Variants in RPTOR observed in about 807,000 individuals in gnomAD.
RPTOR encodes regulatory associated protein of MTOR complex 1.
RPTOR carries 21 observed loss-of-function variants against 169.9 expected under a neutral mutation model. The ratio of observed to expected loss-of-function variants is 0.12; its 90% CI spans 0.09 to 0.18. RPTOR has a LOEUF of 0.18. Ranked by LOEUF, RPTOR falls within the 10% of genes least tolerant of loss-of-function variation. The probability of loss-of-function intolerance (pLI) is 1.00; values close to 1 mark genes in which losing one functional copy is unlikely to be tolerated. For missense variants in RPTOR, 1,133 were observed against 1,855.9 expected (o/e 0.61, Z 7.16); for synonymous variants, 732 against 753.2 (o/e 0.97, Z 0.46).
chr17:80,644,108 TTTTAA>T (rs1410441504), intron 3 of RPTOR, among the ~76,000 whole-genome samples: 1 of 152,248 alleles, frequency 6.6e-6, no homozygotes, highest in Non-Finnish European at 1.5e-5. Context: ...TTAACCATGG[TTTTAA>T]TTTTTCTCAG....
intron 20 of RPTOR, among the ~76,000 whole-genome samples, chr17:80,903,828 G>A (rs145093617): frequency 1.8e-3 from 267 of 152,286 alleles, no homozygotes; most frequent in African/African-American, 6.0e-3. Flanking sequence ...CCTGGTGCTC[G>A]CTCAACCAAA....
chr17:80,627,401 A>G (rs2065404544), intron 2 of RPTOR, among the ~76,000 whole-genome samples: 2 of 152,252 alleles, frequency 1.3e-5, no homozygotes, highest in South Asian at 2.1e-4. Context: ...ACAGCCATGT[A>G]ACAAATGCCA....
chr17:80,580,082 G>C (rs1036860824), intron 1 of RPTOR, among the ~76,000 whole-genome samples: 2 of 152,158 alleles, frequency 1.3e-5, no homozygotes, highest in African/African-American at 4.8e-5. Flanking sequence ...CATGTTTCCT[G>C]ATCTCATCTC....
At position 80,857,917 on chromosome 17, in the gene RPTOR, T is replaced by C. The variant is rs1302751145; in HGVS notation, c.1509+17T>C. The C allele has an allele frequency of 3.1e-6, 5 of 1,592,038 alleles. No homozygotes were observed. Among genetic ancestry groups the C allele is most frequent in the Non-Finnish European group, 4.3e-6 (5 of 1,161,344 alleles). On this transcript the variant is annotated intron_variant, in intron 13 of 33. Coordinates refer to ENST00000306801, the MANE Select transcript of RPTOR (RefSeq NM_020761.3). ...GTGGACAGCGTGAGTATCCCCGCCC[T>C]CCTCCCCAGAGTGATGTGAACCTGC...
rs1252151539 is a variant in RPTOR, at chr17:80,754,183, C to G, written c.828C>G (p.Arg276=). ...CCACCCCCATCAAGATCGCCCTGCG[C>G]TGGTGAGTGGCCCCTGCTGTGCCCC... The part of the protein sequence containing the change: ...CLTTPIKIAL[R]WFCMQKCVSL... The change falls in exon 6 of 34, where the codon CGC becomes CGG. Residue 276 remains arginine (R), a splice_region_variant and synonymous_variant. Coordinates refer to ENST00000306801, the MANE Select transcript of RPTOR (RefSeq NM_020761.3). This position sits in a 1 kb window ranked among gnomAD's most constrained non-coding sequence, Gnocchi z 4.2. 1.9e-6 allele frequency: 3 copies of G among 1,596,888 alleles called. No individual in the cohort carries two copies. Among genetic ancestry groups the G allele is most frequent in the Non-Finnish European group, 2.6e-6 (3 of 1,169,028 alleles).
At chr17:80,851,172 T>TC (rs1228927417) in intron 11 of RPTOR, among the ~76,000 whole-genome samples, 1 of 152,160 alleles carries the variant, frequency 6.6e-6, no homozygotes, top group Non-Finnish European at 1.5e-5. Flanking sequence ...CAAGCGATCC[T>TC]CCAGCTTCAG....
At position 80,939,807 on chromosome 17, in the gene RPTOR, G is replaced by T. The variant is rs140927011; in HGVS notation, c.2920-689G>T. On this transcript the variant is annotated intron_variant, in intron 24 of 33. Transcript: ENST00000306801. ...TGATTGTGTTTTCAGTGTTTGAAGC[G>T]GCATTCGGTGCCCCCCTGCCCTGCT... Among the ~76,000 whole-genome samples, 785 of 152,266 alleles carry T rather than the reference G, an allele frequency of 5.2e-3. 3 individuals are homozygous for T. Among genetic ancestry groups the T allele is most frequent in the Non-Finnish European group, 7.5e-3 (513 of 68,020 alleles).
chr17:80,621,471 C>G (rs1018728268), intron 1 of RPTOR, among the ~76,000 whole-genome samples: 3 of 152,208 alleles, frequency 2.0e-5, no homozygotes, highest in East Asian at 1.9e-4. Flanking sequence ...CGCCCTGTGT[C>G]GGCCTCTGCC....
intron 10 of RPTOR, among the ~76,000 whole-genome samples, chr17:80,841,670 C>G (rs1297896269): frequency 1.5e-5 from 2 of 133,802 alleles, no homozygotes; most frequent in Non-Finnish European, 3.2e-5. Context: ...CACCGCGCCG[C>G]AGCTCACACT....
intron 7 of RPTOR, among the ~76,000 whole-genome samples, chr17:80,807,567 G>A (rs1270085977): frequency 1.3e-5 from 2 of 152,154 alleles, no homozygotes; most frequent in African/African-American, 2.4e-5. Flanking sequence ...GGCCAGGCTG[G>A]TCTTGAACTC....
intron 3 of RPTOR, among the ~76,000 whole-genome samples, chr17:80,680,202 T>C (rs1055865848): frequency 1.3e-5 from 2 of 152,226 alleles, no homozygotes; most frequent in Admixed American, 1.3e-4. Flanking sequence ...CACCTCAGAC[T>C]CCCTGTTCAT....
chr17:80,616,513 G>A (rs2065311551), intron 1 of RPTOR, among the ~76,000 whole-genome samples: 1 of 152,122 alleles, frequency 6.6e-6, no homozygotes, highest in African/African-American at 2.4e-5. Context: ...TCGCCAGGCT[G>A]GTCTCGAACT....
At chr17:80,603,082 G>A (rs879593473) in intron 1 of RPTOR, among the ~76,000 whole-genome samples, 1 of 152,136 alleles carries the variant, frequency 6.6e-6, no homozygotes, top group African/African-American at 2.4e-5. Flanking sequence ...TATTCATGGT[G>A]GCTGGATTTG....
At chr17:80,899,706 G>T (rs988135788) in intron 20 of RPTOR, among the ~76,000 whole-genome samples, 1 of 152,266 alleles carries the variant, frequency 6.6e-6, no homozygotes, top group East Asian at 1.9e-4. Context: ...ACCGCGTGTA[G>T]GTGAATGAAC....
intron 3 of RPTOR, among the ~76,000 whole-genome samples, chr17:80,687,862 C>T (rs1344608962): frequency 1.3e-5 from 2 of 152,236 alleles, no homozygotes; most frequent in Admixed American, 6.5e-5. Flanking sequence ...ATGGGATGCC[C>T]GCACTGCCTT....
intron 1 of RPTOR, among the ~76,000 whole-genome samples, chr17:80,589,760 C>A (rs146056299): frequency 6.6e-6 from 1 of 151,896 alleles, no homozygotes; most frequent in African/African-American, 2.4e-5. Flanking sequence ...TTTTTTCAAT[C>A]GACTGATTTG....
At chr17:80,765,625 T>C (rs1048182229) in intron 6 of RPTOR, among the ~76,000 whole-genome samples, 8 of 152,158 alleles carry the variant, frequency 5.3e-5, no homozygotes, top group African/African-American at 1.7e-4. Context: ...CAAAGCTGGG[T>C]GCCCAGGCTC....
chr17:80,874,518 T>A (rs944309147), intron 13 of RPTOR, among the ~76,000 whole-genome samples: 11 of 152,290 alleles, frequency 7.2e-5, no homozygotes, highest in African/African-American at 2.6e-4. Flanking sequence ...ATATATATAT[T>A]TATGTTGAAA....
Position 80,801,508 on chromosome 17 carries a change from G to A in RPTOR, c.890+9999G>A, listed in dbSNP as rs1408902804. 6 of 152,144 alleles carry A rather than the reference G, an allele frequency of 3.9e-5. No individual in the cohort carries two copies. In the East Asian group the frequency reaches 9.7e-4, roughly 25 times the overall value. The allele number at this position is 152,144 out of a possible 1,614,324, so 9.4% of individuals were successfully genotyped here. On this transcript the variant is annotated intron_variant, in intron 7 of 33. Transcript: ENST00000306801. ...TCAACAGGAGCCCAGACCTCTAGAAGGTCTGCACAGGGTTTGGGGGGGCAG... is the reference window on the plus strand; with the variant it reads ...TCAACAGGAGCCCAGACCTCTAGAAAGTCTGCACAGGGTTTGGGGGGGCAG...
Sources: gnomAD v4.1 joint callset for allele counts (sites outside exome capture counted in the v4.1 genomes callset) on GRCh38, gnomAD v4.1.1 for gene constraint, Gnocchi (gnomAD v3.1) non-coding constraint, MANE v1.5 for transcripts, NCBI Gene and HGNC (gene_info 2026-07-23, HGNC 2026-07-21) for gene names.